TMEM178B: variants seen among roughly 807,000 people sequenced by gnomAD.
TMEM178B encodes transmembrane protein 178B.
TMEM178B carries 5 observed loss-of-function variants against 31.0 expected under a neutral mutation model. The observed-to-expected ratio is 0.16, with a 90% CI of 0.08 to 0.34. TMEM178B has a LOEUF of 0.34. TMEM178B is among the 10% of genes least tolerant of loss of function. TMEM178B has a pLI of 1.00. For synonymous variants in TMEM178B, 164 were observed against 164.0 expected (o/e 1.00, Z 0.00); for missense variants, 275 against 400.3 (o/e 0.69, Z 2.67).
chr7:141,478,597 T>G lies in TMEM178B; in HGVS notation c.*7811T>G, dbSNP rs1054161288. 1 of 152,336 alleles carries G rather than the reference T, an allele frequency of 6.6e-6. No individual in the cohort carries two copies. Among genetic ancestry groups the G allele is most frequent in the East Asian group, 1.9e-4 (1 of 5,192 alleles). The allele number at this position is 152,336 out of a possible 1,614,324, so 9.4% of individuals were successfully genotyped here. A position where few individuals can be genotyped will look rare whatever the true frequency, so the allele number is the denominator to read the frequency against. Reference sequence around the variant, plus strand: ...AACAGCTAAAATCAGTGAAATTAATTTTTAGACTACATTTTAACCTAACAT... The same window carrying G: ...AACAGCTAAAATCAGTGAAATTAATGTTTAGACTACATTTTAACCTAACAT... On this transcript the variant is annotated 3_prime_UTR_variant, in exon 4 of 4. Coordinates refer to ENST00000565468, the MANE Select transcript of TMEM178B (RefSeq NM_001195278.2).
At chr7:141,234,221 C>T (rs1179702594) in intron 2 of TMEM178B, among the ~76,000 whole-genome samples, 1 of 152,114 alleles carries the variant, frequency 6.6e-6, no homozygotes, top group African/African-American at 2.4e-5. Context: ...TATTCATAAA[C>T]AAATCACTTC....
the TMEM178B span, among the ~76,000 whole-genome samples, chr7:141,510,707 AAAAAAG>A: frequency 2.4e-3 from 322 of 135,970 alleles, 10 homozygotes; most frequent in African/African-American, 8.4e-3. Context: ...AAAAAAAAAA[AAAAAAG>A]AAAAAAAAAG....
chr7:141,266,399 A>G (rs961534940), intron 2 of TMEM178B, among the ~76,000 whole-genome samples: 1 of 152,182 alleles, frequency 6.6e-6, no homozygotes, highest in African/African-American at 2.4e-5. Flanking sequence ...CCCATCAGTT[A>G]TCTGTTAGTA....
downstream of TMEM178B, among the ~76,000 whole-genome samples, chr7:141,484,842 G>T (rs999733926): frequency 6.6e-6 from 1 of 152,066 alleles, no homozygotes; most frequent in Non-Finnish European, 1.5e-5. The surrounding 1 kb of genome is among the most constrained non-coding windows in gnomAD (Gnocchi z 4.8). Flanking sequence ...GATTACAGAC[G>T]TGAGCCGGGC....
chr7:141,088,509 T>A (rs1354016129), intron 1 of TMEM178B, among the ~76,000 whole-genome samples: 1 of 152,160 alleles, frequency 6.6e-6, no homozygotes, highest in Non-Finnish European at 1.5e-5. Flanking sequence ...CCTGGATCAG[T>A]CTCAGCCACG....
At chr7:141,382,694 AT>A (rs1460816697) in intron 2 of TMEM178B, among the ~76,000 whole-genome samples, 6 of 152,234 alleles carry the variant, frequency 3.9e-5, no homozygotes, top group African/African-American at 1.2e-4. Flanking sequence ...ATTTTAAAAA[AT>A]AATCACTTTA....
intron 2 of TMEM178B, among the ~76,000 whole-genome samples, chr7:141,374,198 T>A (rs1800169991): frequency 6.6e-6 from 1 of 152,122 alleles, no homozygotes; most frequent in South Asian, 2.1e-4. Flanking sequence ...AGGTGGGGCT[T>A]CATACAAGCT....
At chr7:141,337,795 G>T (rs1427713200) in intron 2 of TMEM178B, among the ~76,000 whole-genome samples, 1 of 152,200 alleles carries the variant, frequency 6.6e-6, no homozygotes, top group African/African-American at 2.4e-5. Flanking sequence ...ACAAAAAAAG[G>T]TGGAAAATAT....
chr7:141,477,988 T>A lies in TMEM178B; in HGVS notation c.*7202T>A, dbSNP rs1223420906. On this transcript the variant is annotated 3_prime_UTR_variant, in exon 4 of 4. Transcript: ENST00000565468. ...TGAGCTTTGCTGCACTGGGCTGGGG[T>A]AGGAGAAAGAGCATCCAAGGAGATG... is the stretch of plus-strand genomic sequence containing the variant. 1 of 152,262 alleles carries A rather than the reference T, an allele frequency of 6.6e-6. No homozygotes were observed. The highest frequency in any genetic ancestry group is 2.4e-5 in the African/African-American group (1 of 41,400). The allele number at this position is 152,262 out of a possible 1,614,324, so 9.4% of individuals were successfully genotyped here.
intron 2 of TMEM178B, among the ~76,000 whole-genome samples, chr7:141,335,056 C>A (rs1303120877): frequency 2.0e-5 from 3 of 152,180 alleles, no homozygotes; most frequent in Non-Finnish European, 2.9e-5. Context: ...CAATAGCAGA[C>A]AATGATATAA....
chr7:141,428,925 T>G (rs1233308984), intron 2 of TMEM178B, among the ~76,000 whole-genome samples: 2 of 152,176 alleles, frequency 1.3e-5, no homozygotes, highest in Non-Finnish European at 2.9e-5. Flanking sequence ...AGGATTGAGT[T>G]TGCTGTAGAC....
At chr7:141,274,007 T>A (rs1757996586) in intron 2 of TMEM178B, among the ~76,000 whole-genome samples, 1 of 152,242 alleles carries the variant, frequency 6.6e-6, no homozygotes, top group South Asian at 2.1e-4. Flanking sequence ...CCTCTGCCCC[T>A]CTACATTTGC....
intron 2 of TMEM178B, among the ~76,000 whole-genome samples, chr7:141,304,933 T>G (rs1798790822): frequency 6.6e-6 from 1 of 152,174 alleles, no homozygotes; most frequent in Non-Finnish European, 1.5e-5. Context: ...GGGCAAATGC[T>G]TTTCACACCG....
intron 2 of TMEM178B, among the ~76,000 whole-genome samples, chr7:141,354,471 C>T (rs187863128): frequency 9.2e-5 from 14 of 152,268 alleles, no homozygotes; most frequent in Admixed American, 4.6e-4. Context: ...AATAATGAAG[C>T]AGCTTACTCA....
rs1236030953 is a variant in TMEM178B at position 141,187,101 on chromosome 7, C to T, written c.383-25490C>T. On this transcript the variant is annotated intron_variant, in intron 1 of 3. Transcript: ENST00000565468. ...TGCTATCCCTCCCCCCTCCCCCCAC[C>T]CCACAACAGTCCCTGGTGTGTGATG... is the stretch of plus-strand genomic sequence containing the variant. Among the ~76,000 whole-genome samples, 4 of 114,650 alleles carry T rather than the reference C, an allele frequency of 3.5e-5. No homozygotes were observed. The East Asian group carries it at 1.2e-3, about 34-fold the overall frequency. 75.2% of individuals were successfully genotyped at this position (114,650 alleles called of 152,430 possible).
At chr7:141,314,046 G>A (rs915082216) in intron 2 of TMEM178B, among the ~76,000 whole-genome samples, 1 of 152,190 alleles carries the variant, frequency 6.6e-6, no homozygotes, top group Non-Finnish European at 1.5e-5. Flanking sequence ...TGCCTGTGGC[G>A]CAGCCGTTTC....
chr7:141,252,607 G>C (rs558737767), intron 2 of TMEM178B, among the ~76,000 whole-genome samples: 1 of 152,318 alleles, frequency 6.6e-6, no homozygotes, highest in South Asian at 2.1e-4. Flanking sequence ...TACATAGTTT[G>C]AAGGGCTCTT....
chr7:141,377,564 A>C (rs1391177462), intron 2 of TMEM178B, among the ~76,000 whole-genome samples: 1 of 152,062 alleles, frequency 6.6e-6, no homozygotes, highest in Admixed American at 6.5e-5. Flanking sequence ...ACGGCTACTC[A>C]AGAGGCTAAG....
intron 2 of TMEM178B, among the ~76,000 whole-genome samples, chr7:141,253,881 T>C (rs7807232): frequency 6.6e-6 from 1 of 151,842 alleles, no homozygotes; most frequent in Non-Finnish European, 1.5e-5. Flanking sequence ...CTACAATGAG[T>C]TGTGACTCCT....
Sources: allele counts gnomAD v4.1 joint callset (sites outside exome capture counted in the v4.1 genomes callset), GRCh38; gene constraint gnomAD v4.1.1; non-coding constraint Gnocchi (gnomAD v3.1); transcripts MANE v1.5; gene names NCBI Gene and HGNC (gene_info 2026-07-23, HGNC 2026-07-21).